CHL1: variants seen among roughly 807,000 people sequenced by gnomAD.
CHL1 encodes neural cell adhesion molecule L1-like protein.
A neutral mutation model predicts 141.9 loss-of-function variants in CHL1; 96 were observed. The observed-to-expected ratio is 0.68, with a 90% confidence interval of 0.57 to 0.80. The LOEUF (loss-of-function observed/expected upper bound fraction) is 0.80, where lower values mean the gene tolerates loss of function less well. Among genes scored for constraint, CHL1 ranks in the 30% least tolerant of loss-of-function variants. CHL1 has a pLI of 0.00. For synonymous variants in CHL1, 613 were observed against 502.2 expected (o/e 1.22, Z -2.95); for missense variants, 1,820 against 1,457.2 (o/e 1.25, Z -4.05).
At chr3:344,175 G>A (rs1702573212) in intron 8 of CHL1, among the ~76,000 whole-genome samples, 2 of 152,036 alleles carry the variant, frequency 1.3e-5, no homozygotes, top group South Asian at 2.1e-4. Flanking sequence ...GCAGGAGTGA[G>A]GAAGCTGTTT....
At position 349,365 on chromosome 3, in the gene CHL1, T is replaced by C; in HGVS notation, c.855T>C (p.Thr285=). ...ATTTAACTATTTTTTGCAGGCCAAC[T>C]CCACAGGTTGATTGGAACAAAATTG... is the stretch of plus-strand genomic sequence containing the variant. ...LLECFAEGLP[T]PQVDWNKIGG... The change falls in exon 10 of 28, where the codon ACT becomes ACC. Residue 285 remains threonine (T), a synonymous_variant. Coordinates refer to ENST00000256509, the MANE Select transcript of CHL1 (RefSeq NM_006614.4). The C allele has an allele frequency of 1.2e-6, 2 of 1,611,538 alleles. No homozygotes were observed. Among genetic ancestry groups the C allele is most frequent in the African/African-American group, 2.7e-5 (2 of 74,852 alleles).
chr3:351,813 A>C (rs1450478776), intron 10 of CHL1, among the ~76,000 whole-genome samples: 1 of 152,142 alleles, frequency 6.6e-6, no homozygotes, highest in Non-Finnish European at 1.5e-5. Flanking sequence ...CTGCACTTCA[A>C]ATCCTATAAT....
chr3:351,919 ATATAT>A (rs945304924), intron 10 of CHL1, among the ~76,000 whole-genome samples: 3 of 152,232 alleles, frequency 2.0e-5, no homozygotes, highest in East Asian at 1.9e-4. Flanking sequence ...ATAAAAAGAG[ATATAT>A]TATAGTGACA....
chr3:396,396 C>A lies in CHL1; in HGVS notation c.3094+1524C>A, dbSNP rs959920286. ...GTTGCTATTTTGATATAACCAAGACCATAATGTGCATGTGAAATGCTGATC... is the reference window on the plus strand; with the variant it reads ...GTTGCTATTTTGATATAACCAAGACAATAATGTGCATGTGAAATGCTGATC... On this transcript the variant is annotated intron_variant, in intron 24 of 27. Coordinates refer to ENST00000256509, the MANE Select transcript of CHL1 (RefSeq NM_006614.4). 7.9e-5 allele frequency among the ~76,000 whole-genome samples: 12 copies of A among 152,056 alleles called. No individual in the cohort carries two copies. The East Asian group carries it at 2.1e-3, about 27-fold the overall frequency.
At chr3:347,252 T>C (rs1702844193) in intron 9 of CHL1, among the ~76,000 whole-genome samples, 1 of 152,060 alleles carries the variant, frequency 6.6e-6, no homozygotes, top group Admixed American at 6.6e-5. Flanking sequence ...AATATGCAAA[T>C]AAAAGTTGGC....
intron 2 of CHL1, chr3:248,223 A>G (rs1693354299): frequency 6.6e-6 from 1 of 152,104 alleles, no homozygotes; most frequent in South Asian, 2.1e-4. Context: ...CTTTTACTCA[A>G]ATCAAGTACA....
At chr3:332,559 T>C (rs1399143636) in intron 5 of CHL1, among the ~76,000 whole-genome samples, 1 of 152,198 alleles carries the variant, frequency 6.6e-6, no homozygotes, top group Non-Finnish European at 1.5e-5. Context: ...AACAATTGTT[T>C]TATATTCTTA....
Position 409,200 on chromosome 3 carries a change from T to G in CHL1, c.*3489T>G, listed in dbSNP as rs1482550689. 1.3e-5 allele frequency: 2 copies of G among 152,108 alleles called. No individual in the cohort carries two copies. The highest frequency in any genetic ancestry group is 3.9e-4 in the East Asian group (2 of 5,190). The allele number at this position is 152,108 out of a possible 1,614,324, so 9.4% of individuals were successfully genotyped here. ...TGTTTTGTACCTTAAATTGTTCGAT[T>G]ACGTCATCAAAAGAGATGAAAGGTA... On this transcript the variant is annotated 3_prime_UTR_variant, in exon 28 of 28. Coordinates refer to ENST00000256509, the MANE Select transcript of CHL1 (RefSeq NM_006614.4).
intron 5 of CHL1, among the ~76,000 whole-genome samples, chr3:333,094 ATC>A (rs1345320506): frequency 7.6e-6 from 1 of 131,888 alleles, no homozygotes; most frequent in Non-Finnish European, 1.6e-5. Context: ...TGGGAGTTGG[ATC>A]TGAGCTACGT....
intron 15 of CHL1, among the ~76,000 whole-genome samples, chr3:368,364 T>C (rs190459212): frequency 1.3e-5 from 2 of 152,238 alleles, no homozygotes; most frequent in Non-Finnish European, 2.9e-5. Flanking sequence ...TTGAGCTTTT[T>C]TTCATATGTT....
chr3:306,876 C>T (rs1439432341), intron 2 of CHL1, among the ~76,000 whole-genome samples: 1 of 152,092 alleles, frequency 6.6e-6, no homozygotes, highest in Non-Finnish European at 1.5e-5. Context: ...TGATGACCAT[C>T]CCTGTCACTA....
intron 11 of CHL1, among the ~76,000 whole-genome samples, chr3:358,989 T>A (rs937532280): frequency 2.1e-5 from 3 of 146,056 alleles, no homozygotes; most frequent in East Asian, 1.9e-4. Context: ...ATATATATAT[T>A]ATATACGGAT....
chr3:346,069 G>C (rs953663989), intron 9 of CHL1, among the ~76,000 whole-genome samples: 3 of 152,288 alleles, frequency 2.0e-5, no homozygotes, highest in African/African-American at 4.8e-5. Context: ...GGGGACTCTA[G>C]TTAGTGGACT....
intron 5 of CHL1, among the ~76,000 whole-genome samples, chr3:339,614 C>A (rs1468892287): frequency 6.6e-6 from 1 of 152,116 alleles, no homozygotes; most frequent in Non-Finnish European, 1.5e-5. Context: ...CAATGTTAAG[C>A]CTTGGAAGGT....
intron 1 of CHL1, among the ~76,000 whole-genome samples, chr3:231,109 G>T (rs1045709833): frequency 6.6e-6 from 1 of 152,088 alleles, no homozygotes; most frequent in Non-Finnish European, 1.5e-5. Flanking sequence ...AATTTTATAT[G>T]TTACTTTATA....
At chr3:299,198 G>T (rs1279494544) in intron 2 of CHL1, among the ~76,000 whole-genome samples, 1 of 152,164 alleles carries the variant, frequency 6.6e-6, no homozygotes, top group African/African-American at 2.4e-5. Flanking sequence ...ATCATAAAGT[G>T]TTTATAAAAA....
At chr3:206,156 T>A (rs556299683) in intron 1 of CHL1, among the ~76,000 whole-genome samples, 42 of 152,334 alleles carry the variant, frequency 2.8e-4, no homozygotes, top group African/African-American at 9.9e-4. Context: ...ATTCCAGGAA[T>A]GGTGGCATTA....
chr3:325,667 A>G (rs1165745188), intron 3 of CHL1, among the ~76,000 whole-genome samples: 1 of 152,050 alleles, frequency 6.6e-6, no homozygotes, highest in Non-Finnish European at 1.5e-5. Context: ...TTAATAATAT[A>G]TATTTTTAAA....
intron 2 of CHL1, among the ~76,000 whole-genome samples, chr3:295,959 T>C (rs755947409): frequency 2.0e-5 from 3 of 152,156 alleles, no homozygotes; most frequent in Non-Finnish European, 2.9e-5. Context: ...TTGGTGCCCC[T>C]TCTTCCTGAG....
Sources: allele counts gnomAD v4.1 joint callset (sites outside exome capture counted in the v4.1 genomes callset), GRCh38; gene constraint gnomAD v4.1.1; transcripts MANE v1.5; gene names NCBI Gene and HGNC (gene_info 2026-07-23, HGNC 2026-07-21).